Variants in SLC24A2 observed in about 807,000 individuals in gnomAD.
SLC24A2 encodes the protein sodium/potassium/calcium exchanger 2.
In SLC24A2, 36 loss-of-function variants were observed where a neutral mutation model predicts 62.0. The ratio of observed to expected loss-of-function variants is 0.58; its 90% CI spans 0.44 to 0.77. The LOEUF (loss-of-function observed/expected upper bound fraction) is 0.77. Ranked by LOEUF, SLC24A2 falls within the 30% of genes least tolerant of loss-of-function variation. The probability of loss-of-function intolerance (pLI) is 0.00; values close to 1 mark genes in which losing one functional copy is unlikely to be tolerated. For synonymous variants in SLC24A2, 358 were observed against 294.0 expected (o/e 1.22, Z -2.23); for missense variants, 846 against 817.9 (o/e 1.03, Z -0.42).
the SLC24A2 span, among the ~76,000 whole-genome samples, chr9:20,083,254 T>C: frequency 6.6e-6 from 1 of 152,236 alleles, no homozygotes; most frequent in African/African-American, 2.4e-5. Flanking sequence ...GCCTAGCTAC[T>C]TGCTCTTTGG....
At position 19,599,747 on chromosome 9, in the gene SLC24A2, T is replaced by C. The variant is rs917903519; in HGVS notation, c.1079-2468A>G. Among the ~76,000 whole-genome samples, 3 of 152,292 alleles carry C rather than the reference T, an allele frequency of 2.0e-5. No individual in the cohort carries two copies. The highest frequency in any genetic ancestry group is 3.9e-4 in the East Asian group (2 of 5,186). On this transcript the variant is annotated intron_variant, in intron 4 of 10. Coordinates refer to ENST00000341998, the MANE Select transcript of SLC24A2 (RefSeq NM_020344.4). This position sits in a 1 kb window ranked among gnomAD's most constrained non-coding sequence, Gnocchi z 4.5. ...TGCATGCATAAACCAGAGCTCATCA[T>C]GCACTTGGCTGGGGTCCTACAGCCC...
rs139419786 is a variant in SLC24A2 at position 19,786,272 on chromosome 9, C to A, written c.595G>T (p.Ala199Ser). ...GTGCCTATGCCAACGTTGCTGTGAG[C>A]GATAAATACCCCTATGAGAGATGTG... ...LFTSLIGVFI[A>S]HSNVGIGTIV... The change falls in exon 2 of 11, where the codon GCT becomes TCT. Residue 199 changes from alanine (A) to serine (S), a missense_variant. Coordinates refer to ENST00000341998, the MANE Select transcript of SLC24A2 (RefSeq NM_020344.4). The surrounding 1 kb of genome is among the most constrained non-coding windows in gnomAD (Gnocchi z 5.0). 3.7e-6 allele frequency: 6 copies of A among 1,613,942 alleles called. No homozygotes were observed. The African/African-American group carries it at 6.7e-5, about 18-fold the overall frequency.
At chr9:19,746,162 A>C (rs957910) in intron 2 of SLC24A2, among the ~76,000 whole-genome samples, 1 of 151,668 alleles carries the variant, frequency 6.6e-6, no homozygotes, top group East Asian at 1.9e-4. Flanking sequence ...TCCTCTTTCA[A>C]TTACAGGACA....
chr9:19,618,184 T>TCACACACA (rs1205115281), intron 4 of SLC24A2, among the ~76,000 whole-genome samples: 2 of 152,198 alleles, frequency 1.3e-5, no homozygotes, highest in African/African-American at 2.4e-5. Flanking sequence ...TTGCCCAAAG[T>TCACACACA]CACACAACTG....
chr9:20,041,119 GGAGA>G, the SLC24A2 span, among the ~76,000 whole-genome samples: 3 of 152,250 alleles, frequency 2.0e-5, no homozygotes, highest in Non-Finnish European at 2.9e-5. Flanking sequence ...ATGAGAATGA[GGAGA>G]GAGAAAGAGA....
chr9:20,043,917 C>A, the SLC24A2 span, among the ~76,000 whole-genome samples: 2 of 152,270 alleles, frequency 1.3e-5, no homozygotes, highest in East Asian at 1.9e-4. Flanking sequence ...AACAGTATCA[C>A]ATGCTACAGA....
At chr9:19,752,131 C>T (rs1036766036) in intron 2 of SLC24A2, among the ~76,000 whole-genome samples, 13 of 152,214 alleles carry the variant, frequency 8.5e-5, no homozygotes, top group African/African-American at 2.4e-4. Flanking sequence ...GTGTCATCAG[C>T]GCTAGATGCT....
chr9:19,883,098 T>A, the SLC24A2 span, among the ~76,000 whole-genome samples: 1 of 152,242 alleles, frequency 6.6e-6, no homozygotes, highest in Non-Finnish European at 1.5e-5. Context: ...ATCAAATGAT[T>A]AAAAATTACC....
Position 19,533,582 on chromosome 9 carries a change from C to T in SLC24A2, c.1480-5444G>A, listed in dbSNP as rs146148091. Among the ~76,000 whole-genome samples the T allele has an allele frequency of 2.6e-3, 392 of 152,322 alleles. 2 individuals carry two copies. Among genetic ancestry groups the T allele is most frequent in the Non-Finnish European group, 4.6e-3 (312 of 68,020 alleles). Reference sequence around the variant, plus strand: ...TTGCCATTATGTGACTAAGTCCAGGCTAGCCTGCTTTGAGATAAGAGAGTA... The same window carrying T: ...TTGCCATTATGTGACTAAGTCCAGGTTAGCCTGCTTTGAGATAAGAGAGTA... On this transcript the variant is annotated intron_variant, in intron 8 of 10. Coordinates refer to ENST00000341998, the MANE Select transcript of SLC24A2 (RefSeq NM_020344.4).
chr9:19,965,939 C>T, the SLC24A2 span, among the ~76,000 whole-genome samples: 1 of 152,158 alleles, frequency 6.6e-6, no homozygotes, highest in African/African-American at 2.4e-5. Context: ...ATCTCATTGG[C>T]TCGGCATGAA....
intron 7 of SLC24A2, among the ~76,000 whole-genome samples, chr9:19,555,183 T>G (rs1017568394): frequency 1.3e-5 from 2 of 151,914 alleles, no homozygotes; most frequent in African/African-American, 4.8e-5. Flanking sequence ...AAAAATTATC[T>G]TATTCAAGCC....
chr9:19,865,269 T>A, the SLC24A2 span, among the ~76,000 whole-genome samples: 8 of 152,116 alleles, frequency 5.3e-5, no homozygotes, highest in East Asian at 3.8e-4. Context: ...CAAAGTAATC[T>A]ACAGATACAA....
chr9:19,941,998 T>A, the SLC24A2 span, among the ~76,000 whole-genome samples: 8 of 152,186 alleles, frequency 5.3e-5, no homozygotes, highest in African/African-American at 1.7e-4. Flanking sequence ...AATGAATAAT[T>A]ACTTTAGGGA....
In SLC24A2 at chr9:19,513,315, A is replaced by G. The variant is rs1028374876; in HGVS notation, c.*2838T>C. On this transcript the variant is annotated 3_prime_UTR_variant, in exon 11 of 11. Transcript: ENST00000341998. ...AATGATTTGAATGGTTTAAAGACCC[A>G]TTGTTGAACTCTGTACACATCTCTC... 3.9e-5 allele frequency: 6 copies of G among 151,926 alleles called. No homozygotes were observed. The highest frequency in any genetic ancestry group is 1.5e-4 in the African/African-American group (6 of 41,338). The allele number at this position is 151,926 out of a possible 1,614,324, so 9.4% of individuals were successfully genotyped here. A position where few individuals can be genotyped will look rare whatever the true frequency, so the allele number is the denominator to read the frequency against.
the SLC24A2 span, among the ~76,000 whole-genome samples, chr9:19,903,002 T>C: frequency 6.6e-6 from 1 of 151,958 alleles, no homozygotes; most frequent in Non-Finnish European, 1.5e-5. Context: ...AAAGAGTCAC[T>C]GAGTATCAAA....
the SLC24A2 span, among the ~76,000 whole-genome samples, chr9:20,162,492 C>T: frequency 6.6e-6 from 1 of 152,000 alleles, no homozygotes; most frequent in South Asian, 2.1e-4. Flanking sequence ...TAATCAGTAG[C>T]TTACCAACCA....
intron 2 of SLC24A2, among the ~76,000 whole-genome samples, chr9:19,783,623 A>T (rs1823078630): frequency 6.6e-6 from 1 of 152,150 alleles, no homozygotes; most frequent in Admixed American, 6.5e-5. Context: ...TGGGGGGGAA[A>T]ACCTCCCTAA....
chr9:19,786,110 T>C lies in SLC24A2; in HGVS notation c.757A>G (p.Ile253Val). ...ATGACATTATCCAGGAAAAATATGA[T>C]CAGCATGATCAAGTCAACAATGTAG... ...SFYIVDLIML[I>V]IFFLDNVIMW... Residue 253 changes from isoleucine (I) to valine (V), a missense_variant, in exon 2 of 11, where the codon ATC becomes GTC. Transcript: ENST00000341998. The surrounding 1 kb of genome is among the most constrained non-coding windows in gnomAD (Gnocchi z 5.0). The C allele has an allele frequency of 6.2e-7, 1 of 1,614,144 alleles. No homozygotes were observed. Among genetic ancestry groups the C allele is most frequent in the Non-Finnish European group, 8.5e-7 (1 of 1,180,010 alleles).
the SLC24A2 span, among the ~76,000 whole-genome samples, chr9:20,141,732 C>A: frequency 0.011 from 1,605 of 151,992 alleles, 11 homozygotes; most frequent in Non-Finnish European, 0.018. Context: ...TCACTCAAGC[C>A]CTTCCATCAC....
Sources: gnomAD v4.1 joint callset for allele counts (sites outside exome capture counted in the v4.1 genomes callset) on GRCh38, gnomAD v4.1.1 for gene constraint, Gnocchi (gnomAD v3.1) non-coding constraint, MANE v1.5 for transcripts, NCBI Gene and HGNC (gene_info 2026-07-23, HGNC 2026-07-21) for gene names.